Variants in AGBL4 observed in about 807,000 individuals in gnomAD.
AGBL4 encodes cytosolic carboxypeptidase 6.
AGBL4 carries 58 observed loss-of-function variants against 66.4 expected under a neutral mutation model. That is an observed-to-expected ratio of 0.87 (90% CI 0.71 to 1.09). AGBL4 has a LOEUF of 1.09. Ranked by LOEUF, AGBL4 falls within the 50% of genes least tolerant of loss-of-function variation. AGBL4 has a pLI of 0.00. For missense variants in AGBL4, 579 were observed against 631.0 expected, an observed-to-expected ratio of 0.92 and a Z score of 0.88; for synonymous variants, 234 against 222.9, an observed-to-expected ratio of 1.05 and a Z score of -0.44.
chr1:49,229,443 A>G (rs1650144682), intron 4 of AGBL4, among the ~76,000 whole-genome samples: 1 of 152,170 alleles, frequency 6.6e-6, no homozygotes. Flanking sequence ...TAGAAAAACT[A>G]CCTGCACGTG....
rs181133532 is a variant in AGBL4 at position 49,071,271 on chromosome 1, C to T, written c.378-25471G>A. ...AGTTCTGTTCTGATCTTAGTTATTT[C>T]GTGTCTTCTGCTAGCTTTTGAATTT... On this transcript the variant is annotated intron_variant, in intron 4 of 13. Transcript: ENST00000371839. Among the ~76,000 whole-genome samples, 7 of 151,920 alleles carry T rather than the reference C, an allele frequency of 4.6e-5. No individual in the cohort carries two copies. In the East Asian group the frequency reaches 5.8e-4, roughly 13 times the overall value.
At chr1:48,754,142 T>G (rs959150112) in intron 6 of AGBL4, among the ~76,000 whole-genome samples, 2 of 152,152 alleles carry the variant, frequency 1.3e-5, no homozygotes, top group African/African-American at 4.8e-5. Flanking sequence ...TGTAACAAAC[T>G]GGGGAGGACA....
intron 3 of AGBL4, among the ~76,000 whole-genome samples, chr1:49,589,682 T>C (rs565877989): frequency 1.3e-5 from 2 of 152,230 alleles, no homozygotes; most frequent in Non-Finnish European, 2.9e-5. Flanking sequence ...GTCTATACTT[T>C]CTAAATGCTA....
chr1:48,536,311 G>A (rs1302400283), intron 12 of AGBL4, among the ~76,000 whole-genome samples: 2 of 152,136 alleles, frequency 1.3e-5, no homozygotes, highest in Non-Finnish European at 2.9e-5. Context: ...AGGTGGGAGG[G>A]ACAGGGTGCT....
intron 3 of AGBL4, among the ~76,000 whole-genome samples, chr1:49,547,192 T>C (rs904167017): frequency 1.3e-5 from 2 of 152,216 alleles, no homozygotes; most frequent in Non-Finnish European, 2.9e-5. Context: ...AGGTGAGAGA[T>C]GAGGATCCAG....
intron 4 of AGBL4, among the ~76,000 whole-genome samples, chr1:49,061,736 C>A (rs1644406486): frequency 6.6e-6 from 1 of 152,146 alleles, no homozygotes; most frequent in African/African-American, 2.4e-5. Context: ...TAAGTAAGGT[C>A]AAGACAGTTG....
intron 6 of AGBL4, among the ~76,000 whole-genome samples, chr1:48,845,181 C>CTT (rs112625644): frequency 2.0e-5 from 3 of 151,974 alleles, no homozygotes; most frequent in African/African-American, 7.3e-5. Context: ...AAAAAATTAG[C>CTT]TTTTTTTTCA....
chr1:48,950,378 G>A lies in AGBL4; in HGVS notation c.595-83148C>T, dbSNP rs140910407. On this transcript the variant is annotated intron_variant, in intron 5 of 13. Coordinates refer to ENST00000371839, the MANE Select transcript of AGBL4 (RefSeq NM_032785.4). ...CTTCCAAAATGTTGGGATTACAGGCGTGAGCCACCGCACCTGGCCGACCTC... is the reference window on the plus strand; with the variant it reads ...CTTCCAAAATGTTGGGATTACAGGCATGAGCCACCGCACCTGGCCGACCTC... Among the ~76,000 whole-genome samples, 1,119 of 152,290 alleles carry A rather than the reference G, an allele frequency of 7.3e-3. 14 individuals carry two copies. The highest frequency in any genetic ancestry group is 0.025 in the African/African-American group (1,047 of 41,570).
At chr1:49,771,711 A>G (rs750211210) in intron 2 of AGBL4, among the ~76,000 whole-genome samples, 4 of 152,094 alleles carry the variant, frequency 2.6e-5, no homozygotes, top group African/African-American at 4.8e-5. Flanking sequence ...ATTGTTACAC[A>G]TTATTGAATT....
chr1:49,041,542 T>C (rs568831774), intron 5 of AGBL4, among the ~76,000 whole-genome samples: 1 of 152,254 alleles, frequency 6.6e-6, no homozygotes, highest in Non-Finnish European at 1.5e-5. Context: ...GGCCAGGACA[T>C]GGTGTTAGAA....
chr1:49,782,980 C>T (rs1435416948), intron 2 of AGBL4, among the ~76,000 whole-genome samples: 1 of 151,800 alleles, frequency 6.6e-6, no homozygotes, highest in African/African-American at 2.4e-5. Context: ...AAGACAGTGC[C>T]CTTATATAAG....
At chr1:49,107,980 A>G (rs1645331639) in intron 4 of AGBL4, among the ~76,000 whole-genome samples, 2 of 152,152 alleles carry the variant, frequency 1.3e-5, no homozygotes, top group South Asian at 4.2e-4. Flanking sequence ...ATCTTTGACA[A>G]ATAAACCTAA....
intron 5 of AGBL4, among the ~76,000 whole-genome samples, chr1:49,015,667 G>A (rs1170963054): frequency 2.0e-5 from 3 of 151,508 alleles, no homozygotes; most frequent in East Asian, 1.9e-4. Context: ...CTCGTGATCC[G>A]CCCGCCTAGG....
intron 4 of AGBL4, among the ~76,000 whole-genome samples, chr1:49,134,113 T>C: frequency 6.6e-6 from 1 of 151,998 alleles, no homozygotes; most frequent in East Asian, 1.9e-4. Flanking sequence ...CCCTGAGCCG[T>C]AAAACCAATA....
chr1:49,970,006 G>A (rs1280418486), intron 1 of AGBL4, among the ~76,000 whole-genome samples: 1 of 152,118 alleles, frequency 6.6e-6, no homozygotes, highest in Non-Finnish European at 1.5e-5. Context: ...GGAAAGAGTA[G>A]TCTCTTCAAT....
At chr1:48,632,812 G>T (rs927272722) in intron 9 of AGBL4, among the ~76,000 whole-genome samples, 5 of 152,216 alleles carry the variant, frequency 3.3e-5, no homozygotes, top group African/African-American at 1.2e-4. Flanking sequence ...CAGGGAAACT[G>T]CAGTCAACAC....
chr1:49,833,452 C>T (rs1470251146), intron 2 of AGBL4, among the ~76,000 whole-genome samples: 2 of 152,086 alleles, frequency 1.3e-5, no homozygotes, highest in Non-Finnish European at 2.9e-5. Flanking sequence ...TGTTCTTTGG[C>T]TTAGGATTGA....
intron 6 of AGBL4, chr1:48,727,409 T>G (rs1034679572): frequency 1.3e-5 from 2 of 152,220 alleles, no homozygotes; most frequent in African/African-American, 4.8e-5. Context: ...TTTTCTCTCC[T>G]TCAGCCGGAA....
intron 5 of AGBL4, among the ~76,000 whole-genome samples, chr1:48,916,236 T>A (rs1417710062): frequency 1.3e-5 from 2 of 152,166 alleles, no homozygotes; most frequent in Non-Finnish European, 2.9e-5. Context: ...CAACTGTTCC[T>A]GAAAAGGAAA....
Sources: allele counts gnomAD v4.1 joint callset (sites outside exome capture counted in the v4.1 genomes callset), GRCh38; gene constraint gnomAD v4.1.1; transcripts MANE v1.5; gene names NCBI Gene and HGNC (gene_info 2026-07-23, HGNC 2026-07-21).